TNFSF13B: variants seen among roughly 807,000 people sequenced by gnomAD.
TNFSF13B encodes the protein tumor necrosis factor ligand superfamily member 13B.
In TNFSF13B, 8 loss-of-function variants were observed where a neutral mutation model predicts 29.1. That is an observed-to-expected ratio of 0.27 (90% CI 0.16 to 0.50). The LOEUF is 0.50. Among genes scored for constraint, TNFSF13B ranks in the 20% least tolerant of loss-of-function variants. TNFSF13B has a pLI of 0.98. For missense variants in TNFSF13B, 248 were observed against 334.9 expected, an observed-to-expected ratio of 0.74 and a Z score of 2.03; for synonymous variants, 125 against 130.8, an observed-to-expected ratio of 0.96 and a Z score of 0.30.
chr13:108,270,336 AT>A lies in TNFSF13B; in HGVS notation c.340-3del. 1.2e-6 allele frequency: 2 copies of A among 1,614,174 alleles called. No homozygotes were observed. Among genetic ancestry groups the A allele is most frequent in the Non-Finnish European group, 1.7e-6 (2 of 1,180,020 alleles). On this transcript the variant is annotated splice_region_variant and splice_polypyrimidine_tract_variant and intron_variant, in intron 1 of 5. Coordinates refer to ENST00000375887, the MANE Select transcript of TNFSF13B (RefSeq NM_006573.5). Reference sequence around the variant, plus strand: ...CTAATAACTTGAAGTTTTTCTGTTCATAGATCTTTGAACCACCAGCTCCAGG... The same window carrying A: ...CTAATAACTTGAAGTTTTTCTGTTCAAGATCTTTGAACCACCAGCTCCAGG...
At chr13:108,289,967 G>A (rs754111128) in intron 3 of TNFSF13B, among the ~76,000 whole-genome samples, 5 of 152,016 alleles carry the variant, frequency 3.3e-5, no homozygotes, top group Non-Finnish European at 5.9e-5. Context: ...AAATAAAAAA[G>A]CATGAAGAGT....
At chr13:108,278,655 TCTC>T (rs1880837816) in intron 2 of TNFSF13B, among the ~76,000 whole-genome samples, 1 of 7,950 alleles carries the variant, frequency 1.3e-4, no homozygotes, top group Non-Finnish European at 3.2e-4. Flanking sequence ...CACTTCTCTT[TCTC>T]CTCCTCCTCT....
chr13:108,292,575 A>C (rs1210203153), intron 3 of TNFSF13B, among the ~76,000 whole-genome samples: 1 of 152,066 alleles, frequency 6.6e-6, no homozygotes, highest in East Asian at 1.9e-4. Context: ...TAATTTTTCC[A>C]CATCCTCACT....
At chr13:108,303,705 T>TA in intron 5 of TNFSF13B, 101 bp downstream of exon 5, 1 of 1,229,284 alleles carries the variant, frequency 8.1e-7, no homozygotes, top group Non-Finnish European at 1.1e-6. Context: ...TGCCCTAAAA[T>TA]ACAAATAGAC....
Position 108,308,269 on chromosome 13 carries a change from T to C in TNFSF13B, c.*1331T>C, listed in dbSNP as rs1300174219. 6.6e-6 allele frequency: 1 copy of C among 152,168 alleles called. No homozygotes were observed. Among genetic ancestry groups the C allele is most frequent in the Non-Finnish European group, 1.5e-5 (1 of 68,008 alleles). The allele number at this position is 152,168 out of a possible 1,614,324, so 9.4% of individuals were successfully genotyped here. ...AATTTTATGTTTAAAATATAAACTT[T>C]AGATTTAAACTTTATTTAAATATCT... On this transcript the variant is annotated 3_prime_UTR_variant, in exon 6 of 6. Transcript: ENST00000375887.
intron 2 of TNFSF13B, among the ~76,000 whole-genome samples, chr13:108,271,860 C>G (rs1010402404): frequency 6.6e-6 from 1 of 151,920 alleles, no homozygotes; most frequent in Non-Finnish European, 1.5e-5. Context: ...TATTTCCATT[C>G]TCTTTGCTAT....
At chr13:108,293,197 G>T (rs573610825) in intron 3 of TNFSF13B, among the ~76,000 whole-genome samples, 1 of 152,048 alleles carries the variant, frequency 6.6e-6, no homozygotes, top group East Asian at 1.9e-4. Flanking sequence ...CACATTGAAC[G>T]GTCTTGGCAC....
Position 108,270,002 on chromosome 13 carries a change from G to A in TNFSF13B, c.107G>A (p.Ser36Asn). 1.2e-6 allele frequency: 2 copies of A among 1,613,322 alleles called. No individual in the cohort carries two copies. Among genetic ancestry groups the A allele is most frequent in the Non-Finnish European group, 1.7e-6 (2 of 1,180,008 alleles). The change falls in exon 1 of 6, where the codon AGC (serine) becomes AAC (asparagine). Residue 36 changes from serine (S) to asparagine (N), a missense_variant. Coordinates refer to ENST00000375887, the MANE Select transcript of TNFSF13B (RefSeq NM_006573.5). ...GTTTCCATCCTCCCACGGAAGGAAA[G>A]CCCCTCTGTCCGATCCTCCAAAGAC... ...ECVSILPRKE[S>N]PSVRSSKDGK...
intron 2 of TNFSF13B, among the ~76,000 whole-genome samples, chr13:108,277,315 C>T (rs1409444): frequency 0.79 from 120,529 of 152,150 alleles, 48,343 homozygotes; most frequent in Non-Finnish European, 0.86. Flanking sequence ...ATAAAATAGA[C>T]AAGTTATTTA....
Position 108,270,004 on chromosome 13 carries a change from C to T in TNFSF13B, c.109C>T (p.Pro37Ser). The T allele has an allele frequency of 6.2e-7, 1 of 1,613,206 alleles. No individual in the cohort carries two copies. The highest frequency in any genetic ancestry group is 1.1e-5 in the South Asian group (1 of 91,074). The change falls in exon 1 of 6, where the codon CCC (proline) becomes TCC (serine). Residue 37 changes from proline to serine, a missense_variant. This residue lies in a region of TNFSF13B where 186 missense variants were observed against 196.3 expected (regional missense o/e 0.95). Coordinates refer to ENST00000375887, the MANE Select transcript of TNFSF13B (RefSeq NM_006573.5). ...TTCCATCCTCCCACGGAAGGAAAGCCCCTCTGTCCGATCCTCCAAAGACGG... is the reference window on the plus strand; with the variant it reads ...TTCCATCCTCCCACGGAAGGAAAGCTCCTCTGTCCGATCCTCCAAAGACGG... ...CVSILPRKES[P>S]SVRSSKDGKL...
At chr13:108,291,744 C>T (rs1881319635) in intron 3 of TNFSF13B, among the ~76,000 whole-genome samples, 1 of 151,882 alleles carries the variant, frequency 6.6e-6, no homozygotes, top group Non-Finnish European at 1.5e-5. Context: ...AAATAATTTT[C>T]ATTTATTGGG....
At chr13:108,271,174 A>G (rs1880603113) in intron 2 of TNFSF13B, among the ~76,000 whole-genome samples, 1 of 152,144 alleles carries the variant, frequency 6.6e-6, no homozygotes, top group African/African-American at 2.4e-5. Context: ...GAAAAAAAGA[A>G]TCTTTGTATA....
chr13:108,302,997 C>A, intron 3 of TNFSF13B: 1 of 485,288 alleles, frequency 2.1e-6, no homozygotes, highest in Non-Finnish European at 3.1e-6. Flanking sequence ...AAAGGGAAAA[C>A]CCAGACATTC....
chr13:108,277,556 G>A (rs538015681), intron 2 of TNFSF13B, among the ~76,000 whole-genome samples: 4 of 152,180 alleles, frequency 2.6e-5, no homozygotes, highest in Non-Finnish European at 4.4e-5. Context: ...GAAAAAATTC[G>A]GGGCGAATCC....
intron 3 of TNFSF13B, among the ~76,000 whole-genome samples, chr13:108,290,427 T>C (rs568559838): frequency 4.6e-5 from 7 of 152,268 alleles, no homozygotes; most frequent in South Asian, 4.1e-4. Context: ...AGTGGTCCTA[T>C]AGGGGTTGTA....
At chr13:108,277,577 G>A (rs577225239) in intron 2 of TNFSF13B, among the ~76,000 whole-genome samples, 1 of 152,298 alleles carries the variant, frequency 6.6e-6, no homozygotes, top group South Asian at 2.1e-4. Context: ...ACAGGGTAAA[G>A]TGAAAGCAAG....
At chr13:108,303,676 T>C in intron 5 of TNFSF13B, 72 bp downstream of exon 5, 2 of 1,490,320 alleles carry the variant, frequency 1.3e-6, no homozygotes, top group South Asian at 2.6e-5. Context: ...AGCTGCAAAA[T>C]GCAAAAATGA....
At position 108,303,609 on chromosome 13, in the gene TNFSF13B, A is replaced by G; in HGVS notation, c.745+5A>G. 6.2e-7 allele frequency: 1 copy of G among 1,610,218 alleles called. No homozygotes were observed. Among genetic ancestry groups the G allele is most frequent in the Non-Finnish European group, 8.5e-7 (1 of 1,178,572 alleles). On this transcript the variant is annotated splice_donor_5th_base_variant and intron_variant, in intron 5 of 5. Coordinates refer to ENST00000375887, the MANE Select transcript of TNFSF13B (RefSeq NM_006573.5). ...ATAATTCCTGCTATTCAGCTGGTAA[A>G]TATTAGTTCTCACACCCTGCTAATT...
chr13:108,277,760 G>A (rs1175689125), intron 2 of TNFSF13B, among the ~76,000 whole-genome samples: 2 of 152,126 alleles, frequency 1.3e-5, no homozygotes, highest in Non-Finnish European at 2.9e-5. Context: ...ACATTGCCAT[G>A]GCATCATGAC....
Sources: gnomAD v4.1 joint callset for allele counts (sites outside exome capture counted in the v4.1 genomes callset) on GRCh38, gnomAD v4.1.1 for gene constraint, gnomAD v4.1.1 regional missense constraint, MANE v1.5 for transcripts, NCBI Gene and HGNC (gene_info 2026-07-23, HGNC 2026-07-21) for gene names.